The following SCHIP1 variants were observed in gnomAD, a reference collection of about 807,000 sequenced individuals.
SCHIP1 encodes schwannomin interacting protein 1, also known as schwannomin-interacting protein 1.
SCHIP1 carries 8 observed loss-of-function variants against 29.7 expected under a neutral mutation model. The observed-to-expected ratio is 0.27, with a 90% CI of 0.16 to 0.49. The LOEUF (loss-of-function observed/expected upper bound fraction) is 0.49. Among genes scored for constraint, SCHIP1 ranks in the 20% least tolerant of loss-of-function variants. SCHIP1 has a pLI of 0.99. For synonymous variants in SCHIP1, 76 were observed against 94.9 expected, an observed-to-expected ratio of 0.80 and a Z score of 1.16; for missense variants, 193 against 294.6, an observed-to-expected ratio of 0.66 and a Z score of 2.52.
At chr3:159,535,526 T>G in the SCHIP1 span, among the ~76,000 whole-genome samples, 6 of 152,288 alleles carry the variant, frequency 3.9e-5, no homozygotes, top group South Asian at 1.2e-3. Flanking sequence ...TTACCTTCTG[T>G]CTTGTACCTT....
chr3:159,836,281 A>G (rs1743654308), upstream of SCHIP1, among the ~76,000 whole-genome samples: 3 of 152,236 alleles, frequency 2.0e-5, no homozygotes, highest in Admixed American at 6.5e-5. Context: ...CCTGATTTAT[A>G]GATGGCAATG....
At chr3:159,319,687 G>C in the SCHIP1 span, among the ~76,000 whole-genome samples, 1 of 152,182 alleles carries the variant, frequency 6.6e-6, no homozygotes, top group Non-Finnish European at 1.5e-5. Context: ...CTGGCATTAA[G>C]TCTTCATTTT....
intron 2 of SCHIP1, among the ~76,000 whole-genome samples, chr3:159,869,749 T>C (rs970901709): frequency 6.6e-6 from 1 of 151,924 alleles, no homozygotes; most frequent in African/African-American, 2.4e-5. Context: ...AAATACTCTC[T>C]TGGAATTTTG....
chr3:159,626,177 T>TAG, the SCHIP1 span, among the ~76,000 whole-genome samples: 4,981 of 110,508 alleles, frequency 0.045, 371 homozygotes, highest in South Asian at 0.055. Context: ...TATATCTATC[T>TAG]ATCTAGATAG....
At chr3:159,449,075 T>C in the SCHIP1 span, among the ~76,000 whole-genome samples, 1 of 152,258 alleles carries the variant, frequency 6.6e-6, no homozygotes, top group African/African-American at 2.4e-5. Context: ...TGCTAGGCTT[T>C]GGCTGCCCTT....
At chr3:159,502,320 C>T in the SCHIP1 span, among the ~76,000 whole-genome samples, 1 of 151,980 alleles carries the variant, frequency 6.6e-6, no homozygotes, top group Non-Finnish European at 1.5e-5. Context: ...TGAGAGAGGC[C>T]ACTGAATGGG....
At chr3:159,805,923 C>T in the SCHIP1 span, among the ~76,000 whole-genome samples, 2 of 152,034 alleles carry the variant, frequency 1.3e-5, no homozygotes, top group South Asian at 2.1e-4. Flanking sequence ...ATTCTCCTGC[C>T]TCAGCGTCCC....
chr3:159,415,834 T>C, the SCHIP1 span, among the ~76,000 whole-genome samples: 1 of 152,192 alleles, frequency 6.6e-6, no homozygotes, highest in Non-Finnish European at 1.5e-5. Context: ...TGGCACATAG[T>C]AAGTACTCAA....
At chr3:159,787,415 A>C in the SCHIP1 span, among the ~76,000 whole-genome samples, 1 of 152,178 alleles carries the variant, frequency 6.6e-6, no homozygotes, top group Admixed American at 6.5e-5. Flanking sequence ...TTCTCTGGAC[A>C]CTAGATGACT....
At chr3:159,741,143 C>T in the SCHIP1 span, among the ~76,000 whole-genome samples, 4 of 152,116 alleles carry the variant, frequency 2.6e-5, no homozygotes, top group East Asian at 3.9e-4. Context: ...ACCAGACACT[C>T]ATTAGATGTT....
the SCHIP1 span, among the ~76,000 whole-genome samples, chr3:159,665,274 C>G: frequency 6.6e-6 from 1 of 152,106 alleles, no homozygotes; most frequent in African/African-American, 2.4e-5. Context: ...AAAACTGGAG[C>G]CAATTTTAAA....
the SCHIP1 span, among the ~76,000 whole-genome samples, chr3:159,375,281 G>A: frequency 6.6e-6 from 1 of 152,174 alleles, no homozygotes; most frequent in Non-Finnish European, 1.5e-5. Flanking sequence ...AGCCCAGGAG[G>A]GGCTCCAGAG....
chr3:159,495,313 A>G, the SCHIP1 span, among the ~76,000 whole-genome samples: 14 of 152,246 alleles, frequency 9.2e-5, no homozygotes, highest in Non-Finnish European at 1.9e-4. Flanking sequence ...GAGGAAGTCA[A>G]ATTGTCCCTG....
chr3:159,281,134 A>G, the SCHIP1 span, among the ~76,000 whole-genome samples: 1 of 152,166 alleles, frequency 6.6e-6, no homozygotes. Flanking sequence ...AAAGAGAGCT[A>G]TTGCTTATGC....
chr3:159,713,632 G>C, the SCHIP1 span, among the ~76,000 whole-genome samples: 1 of 152,190 alleles, frequency 6.6e-6, no homozygotes, highest in East Asian at 1.9e-4. Context: ...CTCTGTGTTG[G>C]AAGTTGAATC....
chr3:159,836,211 C>G (rs989701123), upstream of SCHIP1, among the ~76,000 whole-genome samples: 2 of 152,136 alleles, frequency 1.3e-5, no homozygotes, highest in African/African-American at 4.8e-5. Context: ...AAATGTATTT[C>G]TTAGAGTTCT....
chr3:159,739,614 C>A, the SCHIP1 span, among the ~76,000 whole-genome samples: 2 of 152,140 alleles, frequency 1.3e-5, no homozygotes, highest in Non-Finnish European at 2.9e-5. Flanking sequence ...TTTTGTGGCA[C>A]CAAATTACAG....
chr3:159,428,225 C>T, the SCHIP1 span, among the ~76,000 whole-genome samples: 1 of 152,282 alleles, frequency 6.6e-6, no homozygotes, highest in East Asian at 1.9e-4. Context: ...AGCTTCTGCA[C>T]AGCAAAAGAA....
At chr3:159,380,015 A>T in the SCHIP1 span, among the ~76,000 whole-genome samples, 1 of 152,252 alleles carries the variant, frequency 6.6e-6, no homozygotes, top group South Asian at 2.1e-4. Flanking sequence ...GATGCCTAAG[A>T]TGTGGATTTA....
Sources: allele counts gnomAD v4.1 joint callset (sites outside exome capture counted in the v4.1 genomes callset), GRCh38; gene constraint gnomAD v4.1.1; transcripts MANE v1.5; gene names NCBI Gene and HGNC (gene_info 2026-07-23, HGNC 2026-07-21).